The following FGF12 variants were observed in gnomAD, a reference collection of about 807,000 sequenced individuals.
The protein encoded by FGF12 is fibroblast growth factor 12.
FGF12 carries 14 observed loss-of-function variants against 23.6 expected under a neutral mutation model. The ratio of observed to expected loss-of-function variants is 0.59; its 90% confidence interval spans 0.39 to 0.93. The LOEUF (loss-of-function observed/expected upper bound fraction) is 0.93. Ranked by LOEUF, FGF12 falls within the 40% of genes least tolerant of loss-of-function variation. The pLI is 0.00. For missense variants in FGF12, 175 were observed against 217.8 expected (o/e 0.80, Z 1.24); for synonymous variants, 62 against 77.3 (o/e 0.80, Z 1.04).
intron 2 of FGF12, among the ~76,000 whole-genome samples, chr3:192,403,593 G>C (rs563954749): frequency 6.6e-6 from 1 of 151,000 alleles, no homozygotes; most frequent in South Asian, 2.1e-4. Flanking sequence ...ATTTAATTAG[G>C]CTGACTTTGT....
chr3:192,236,084 T>G (rs1376939778), intron 4 of FGF12, among the ~76,000 whole-genome samples: 2 of 152,174 alleles, frequency 1.3e-5, no homozygotes, highest in East Asian at 3.9e-4. Flanking sequence ...TTCAAAGAAA[T>G]TTTTGATGTC....
At chr3:192,273,330 T>C (rs1360868664) in intron 4 of FGF12, among the ~76,000 whole-genome samples, 2 of 152,122 alleles carry the variant, frequency 1.3e-5, no homozygotes, top group Admixed American at 6.6e-5. Context: ...ATATACAATA[T>C]ACTCTGATCC....
At chr3:192,532,218 G>T (rs1472477023) in intron 2 of FGF12, among the ~76,000 whole-genome samples, 5 of 152,060 alleles carry the variant, frequency 3.3e-5, no homozygotes, top group African/African-American at 9.7e-5. Flanking sequence ...GCTTAGTATT[G>T]CTTTGGCTGT....
Position 192,365,703 on chromosome 3 carries a change from T to G in FGF12, c.14-5165A>C, listed in dbSNP as rs550024808. Among the ~76,000 whole-genome samples, 183 of 152,220 alleles carry G rather than the reference T, an allele frequency of 1.2e-3. 1 individual carries two copies. In the Middle Eastern group the frequency reaches 0.017, roughly 14 times the overall value. ...ATGGGACCTCGGGTTCAATACTGCTTCCCATCAGGATGACATGGCAATTTC... is the reference window on the plus strand; with the variant it reads ...ATGGGACCTCGGGTTCAATACTGCTGCCCATCAGGATGACATGGCAATTTC... On this transcript the variant is annotated intron_variant, in intron 2 of 5. Coordinates refer to ENST00000445105, the MANE Select transcript of FGF12 (RefSeq NM_004113.6).
At chr3:192,378,172 G>C (rs1224819071) in intron 2 of FGF12, among the ~76,000 whole-genome samples, 1 of 147,808 alleles carries the variant, frequency 6.8e-6, no homozygotes, top group African/African-American at 2.6e-5. Flanking sequence ...GTGTAGTGGT[G>C]AGATCACAGC....
At chr3:192,569,631 G>A (rs868347214) in intron 2 of FGF12, among the ~76,000 whole-genome samples, 26 of 152,274 alleles carry the variant, frequency 1.7e-4, no homozygotes, top group African/African-American at 5.8e-4. Flanking sequence ...ATTTATCGCA[G>A]GTAGCCACCA....
chr3:192,481,108 A>AT (rs1041794305), intron 2 of FGF12, among the ~76,000 whole-genome samples: 1 of 152,112 alleles, frequency 6.6e-6, no homozygotes, highest in Admixed American at 6.6e-5. Flanking sequence ...GAAAGATGAC[A>AT]TTTTTTTATT....
chr3:192,678,628 A>G (rs750070819), intron 2 of FGF12, among the ~76,000 whole-genome samples: 14 of 152,158 alleles, frequency 9.2e-5, no homozygotes, highest in Non-Finnish European at 1.9e-4. Flanking sequence ...CACAGCTTAT[A>G]TATGTGCAAA....
At chr3:192,669,278 T>C (rs1336926625) in intron 2 of FGF12, among the ~76,000 whole-genome samples, 1 of 152,056 alleles carries the variant, frequency 6.6e-6, no homozygotes, top group Admixed American at 6.6e-5. Flanking sequence ...TGAGTGTGAT[T>C]GACAGATGGA....
At chr3:192,203,822 T>C (rs1178910973) in intron 4 of FGF12, among the ~76,000 whole-genome samples, 1 of 152,164 alleles carries the variant, frequency 6.6e-6, no homozygotes, top group African/African-American at 2.4e-5. Flanking sequence ...CAGGCTGGTC[T>C]TGAACTTTTG....
chr3:192,158,407 CTT>C (rs1560171625), intron 5 of FGF12, among the ~76,000 whole-genome samples: 25 of 11,238 alleles, frequency 2.2e-3, no homozygotes, highest in African/African-American at 0.011. Flanking sequence ...CTTTCTTTTT[CTT>C]TCTTTCTCTT....
At chr3:192,530,074 A>T (rs966451776) in intron 2 of FGF12, among the ~76,000 whole-genome samples, 3 of 151,760 alleles carry the variant, frequency 2.0e-5, no homozygotes, top group Non-Finnish European at 2.9e-5. Context: ...CTCTTATTGG[A>T]TTGTATGTTT....
At chr3:192,537,641 A>T (rs1414157282) in intron 2 of FGF12, among the ~76,000 whole-genome samples, 1 of 152,124 alleles carries the variant, frequency 6.6e-6, no homozygotes, top group African/African-American at 2.4e-5. Context: ...ATTCAGATTA[A>T]TGGATTTTTT....
chr3:192,377,397 G>C (rs913246842), intron 2 of FGF12, among the ~76,000 whole-genome samples: 3 of 152,148 alleles, frequency 2.0e-5, no homozygotes, highest in Non-Finnish European at 4.4e-5. Context: ...CTGGCACATA[G>C]AGATTTCCCC....
At chr3:192,545,995 A>G (rs1355476035) in intron 2 of FGF12, among the ~76,000 whole-genome samples, 2 of 152,214 alleles carry the variant, frequency 1.3e-5, no homozygotes, top group Admixed American at 1.3e-4. Flanking sequence ...CTAAGGAAGA[A>G]GTCATAACTT....
intron 4 of FGF12, among the ~76,000 whole-genome samples, chr3:192,332,901 A>C (rs1201273570): frequency 1.3e-5 from 2 of 152,160 alleles, no homozygotes; most frequent in African/African-American, 4.8e-5. Context: ...CAGGAAAGTC[A>C]AAGTTAACAG....
intron 2 of FGF12, among the ~76,000 whole-genome samples, chr3:192,423,293 T>G (rs1721591310): frequency 6.6e-6 from 1 of 152,192 alleles, no homozygotes; most frequent in African/African-American, 2.4e-5. Flanking sequence ...TTTTAGAAAT[T>G]ATATTGGCAT....
At chr3:192,214,142 A>G (rs1384506326) in intron 4 of FGF12, among the ~76,000 whole-genome samples, 1 of 152,244 alleles carries the variant, frequency 6.6e-6, no homozygotes, top group Non-Finnish European at 1.5e-5. Flanking sequence ...AACATTTACC[A>G]AGAAACTATA....
chr3:192,350,044 A>G (rs1718146815), intron 3 of FGF12, among the ~76,000 whole-genome samples: 4 of 152,176 alleles, frequency 2.6e-5, no homozygotes, highest in Admixed American at 2.6e-4. Context: ...TACTATTGCT[A>G]CTATCAATGA....
Sources: allele counts gnomAD v4.1 joint callset (sites outside exome capture counted in the v4.1 genomes callset), GRCh38; gene constraint gnomAD v4.1.1; transcripts MANE v1.5; gene names NCBI Gene and HGNC (gene_info 2026-07-23, HGNC 2026-07-21).